The following DMRT1 variants were observed in gnomAD, a reference collection of about 807,000 sequenced individuals.
DMRT1 encodes the protein doublesex- and mab-3-related transcription factor 1.
Under a neutral mutation model 32.3 loss-of-function variants are expected in DMRT1, and 7 were observed. The ratio of observed to expected loss-of-function variants is 0.22; its 90% CI spans 0.12 to 0.41. The LOEUF (loss-of-function observed/expected upper bound fraction) is 0.41. Ranked by LOEUF, DMRT1 falls within the 10% of genes least tolerant of loss-of-function variation. The probability of loss-of-function intolerance (pLI) is 1.00; values close to 1 mark genes in which losing one functional copy is unlikely to be tolerated. For missense variants in DMRT1, 625 were observed against 500.5 expected (o/e 1.25, Z -2.37); for synonymous variants, 278 against 206.1 (o/e 1.35, Z -2.99).
chr9:918,723 G>A (rs1453370011), intron 4 of DMRT1, among the ~76,000 whole-genome samples: 5 of 49,516 alleles, frequency 1.0e-4, no homozygotes, highest in Non-Finnish European at 2.5e-4. Flanking sequence ...ACGAGAGCTG[G>A]GAAGTAAAAT....
At chr9:898,756 G>A (rs1817465548) in intron 3 of DMRT1, among the ~76,000 whole-genome samples, 1 of 152,182 alleles carries the variant, frequency 6.6e-6, no homozygotes, top group Non-Finnish European at 1.5e-5. Flanking sequence ...TGTTGCTAAG[G>A]CCGGACTCTC....
rs185531602 is a variant in DMRT1, at chr9:968,535, T to C, written c.*396T>C. ...TAGGGGTTTTTTTTTTTTTTAAGTA[T>C]TTTTTAAAAACCTGCAAAGATATAA... On this transcript the variant is annotated 3_prime_UTR_variant, in exon 5 of 5. Transcript: ENST00000382276. 5.8e-6 allele frequency: 1 copy of C among 171,844 alleles called. No individual in the cohort carries two copies. The highest frequency in any genetic ancestry group is 1.7e-4 in the East Asian group (1 of 6,032). 10.6% of individuals were successfully genotyped at this position (171,844 alleles called of 1,614,324 possible).
rs1275100867 is a variant in DMRT1 at position 968,697 on chromosome 9, A to G, written c.*558A>G. On this transcript the variant is annotated 3_prime_UTR_variant, in exon 5 of 5. Transcript: ENST00000382276. ...ACCCCATCCTCCCAATCCAAAACGT[A>G]ACTGAAATATAATCAGAAACATTAA... is the stretch of plus-strand genomic sequence containing the variant. 1 of 153,186 alleles carries G rather than the reference A, an allele frequency of 6.5e-6. No individual in the cohort carries two copies. The highest frequency in any genetic ancestry group is 1.9e-4 in the East Asian group (1 of 5,198). 9.5% of individuals were successfully genotyped at this position (153,186 alleles called of 1,614,324 possible).
chr9:949,100 A>T (rs896735889), intron 4 of DMRT1, among the ~76,000 whole-genome samples: 1 of 151,966 alleles, frequency 6.6e-6, no homozygotes, highest in African/African-American at 2.4e-5. Context: ...CTTAAAAAAC[A>T]AAACAAAACA....
chr9:906,595 T>G (rs1817785055), intron 3 of DMRT1, among the ~76,000 whole-genome samples: 1 of 152,194 alleles, frequency 6.6e-6, no homozygotes, highest in African/African-American at 2.4e-5. Flanking sequence ...TAATTAAGTT[T>G]GTCCATCAAG....
chr9:878,200 G>GGCCCCCCC (rs149257815), intron 2 of DMRT1, among the ~76,000 whole-genome samples: 2 of 94,042 alleles, frequency 2.1e-5, no homozygotes, highest in Admixed American at 1.3e-4. Context: ...TGCAGCTGCT[G>GGCCCCCCC]CCCCCCCCCC....
chr9:941,337 C>CA (rs1554760838), intron 4 of DMRT1, among the ~76,000 whole-genome samples: 2,291 of 117,784 alleles, frequency 0.019, 74 homozygotes, highest in African/African-American at 0.084. Flanking sequence ...CCTCCCCCCC[C>CA]CCACACATAT....
rs144263725 is a variant in DMRT1 at position 949,828 on chromosome 9, T to C, written c.968-18157T>C. Among the ~76,000 whole-genome samples the C allele has an allele frequency of 5.0e-3, 763 of 152,350 alleles. 2 individuals are homozygous for C. Among genetic ancestry groups the C allele is most frequent in the African/African-American group, 0.017 (726 of 41,590 alleles). On this transcript the variant is annotated intron_variant, in intron 4 of 4. Transcript: ENST00000382276. Reference sequence around the variant, plus strand: ...ATCACAGAGTACTTGTCCTTCCGTGTCTGGCTTATTTCACTTAGCACAGTG... The same window carrying C: ...ATCACAGAGTACTTGTCCTTCCGTGCCTGGCTTATTTCACTTAGCACAGTG...
chr9:942,695 T>G (rs1468544146), intron 4 of DMRT1, among the ~76,000 whole-genome samples: 1 of 152,220 alleles, frequency 6.6e-6, no homozygotes, highest in Admixed American at 6.5e-5. Flanking sequence ...TTTATTTTCT[T>G]GTGTTCATAG....
At chr9:856,399 C>G (rs1442838171) in intron 2 of DMRT1, among the ~76,000 whole-genome samples, 1 of 152,108 alleles carries the variant, frequency 6.6e-6, no homozygotes, top group Non-Finnish European at 1.5e-5. Flanking sequence ...CCCATGTACT[C>G]TTCGCTCCAG....
At chr9:949,518 A>AC (rs1309502588) in intron 4 of DMRT1, among the ~76,000 whole-genome samples, 1 of 152,116 alleles carries the variant, frequency 6.6e-6, no homozygotes, top group African/African-American at 2.4e-5. Flanking sequence ...CCACAAACCT[A>AC]CCCATCACCT....
intron 4 of DMRT1, among the ~76,000 whole-genome samples, chr9:942,260 A>G (rs1483589242): frequency 3.9e-5 from 6 of 152,134 alleles, no homozygotes; most frequent in Admixed American, 3.9e-4. Flanking sequence ...TTCTTTAAAG[A>G]GAAATATCAA....
At chr9:851,622 A>C (rs1290647540) in intron 2 of DMRT1, among the ~76,000 whole-genome samples, 1 of 152,182 alleles carries the variant, frequency 6.6e-6, no homozygotes, top group Non-Finnish European at 1.5e-5. Flanking sequence ...AGAAATGCTC[A>C]AGAATTATTG....
At chr9:925,788 A>G (rs2129825651) in intron 4 of DMRT1, among the ~76,000 whole-genome samples, 1 of 152,322 alleles carries the variant, frequency 6.6e-6, no homozygotes. Context: ...ACAGATGAGG[A>G]TATTGAAGCA....
At chr9:907,472 C>T (rs1300790464) in intron 3 of DMRT1, among the ~76,000 whole-genome samples, 6 of 152,182 alleles carry the variant, frequency 3.9e-5, no homozygotes, top group Non-Finnish European at 8.8e-5. Context: ...AACCACCCCA[C>T]TCTCTTTTGT....
intron 2 of DMRT1, among the ~76,000 whole-genome samples, chr9:856,382 G>GT (rs1278636844): frequency 3.3e-5 from 5 of 152,100 alleles, no homozygotes; most frequent in African/African-American, 1.2e-4. Flanking sequence ...GAACATTTCA[G>GT]TCACTCCCCA....
intron 4 of DMRT1, among the ~76,000 whole-genome samples, chr9:946,914 G>C (rs16926506): frequency 0.029 from 4,416 of 152,300 alleles, 233 homozygotes; most frequent in African/African-American, 0.1. Flanking sequence ...GACAATGCAA[G>C]GACTGGATTC....
At position 954,508 on chromosome 9, in the gene DMRT1, C is replaced by G. The variant is rs1237187567; in HGVS notation, c.968-13477C>G. On this transcript the variant is annotated intron_variant, in intron 4 of 4. Transcript: ENST00000382276. ...GGTGGAGTAGTCTTAAGCTTCGAGT[C>G]TGAGCTGGCTAGAGAAGAGGGTGTG... Among the ~76,000 whole-genome samples, 4 of 152,096 alleles carry G rather than the reference C, an allele frequency of 2.6e-5. No homozygotes were observed. In the East Asian group the frequency reaches 7.7e-4, roughly 29 times the overall value.
chr9:844,780 G>C (rs561012409), intron 1 of DMRT1, among the ~76,000 whole-genome samples: 2 of 148,804 alleles, frequency 1.3e-5, no homozygotes, highest in East Asian at 3.9e-4. Context: ...TAGTGCAGTG[G>C]CATGATTTCA....
Sources: gnomAD v4.1 joint callset for allele counts (sites outside exome capture counted in the v4.1 genomes callset) on GRCh38, gnomAD v4.1.1 for gene constraint, MANE v1.5 for transcripts, NCBI Gene and HGNC (gene_info 2026-07-23, HGNC 2026-07-21) for gene names.